Variants in SLC4A4 observed in about 807,000 individuals in gnomAD.
SLC4A4 encodes the protein solute carrier family 4 member 4.
A neutral mutation model predicts 111.5 loss-of-function variants in SLC4A4; 27 were observed. The ratio of observed to expected loss-of-function variants is 0.24; its 90% confidence interval spans 0.18 to 0.33. The LOEUF (loss-of-function observed/expected upper bound fraction) is 0.33, where lower values mean the gene tolerates loss of function less well. Ranked by LOEUF, SLC4A4 falls within the 10% of genes least tolerant of loss-of-function variation. The pLI, the probability that SLC4A4 is intolerant of heterozygous loss-of-function variation, is 1.00. For missense variants in SLC4A4, 909 were observed against 1,315.5 expected (o/e 0.69, Z 4.78); for synonymous variants, 443 against 463.4 (o/e 0.96, Z 0.57).
Position 71,473,055 on chromosome 4 carries a change from G to T in SLC4A4, c.1903+85G>T, listed in dbSNP as rs548144688. ...CATGCTTGCAAATTTTCAACATGCT[G>T]TCATGGTCCTCAGGAATTAGTCTTG... On this transcript the variant is annotated intron_variant, in intron 14 of 25. Transcript: ENST00000264485. 8 of 1,411,464 alleles carry T rather than the reference G, an allele frequency of 5.7e-6. No individual in the cohort carries two copies. The East Asian group carries it at 1.8e-4, about 32-fold the overall frequency. The allele number at this position is 1,411,464 out of a possible 1,614,324, so 87.4% of individuals were successfully genotyped here. A position where few individuals can be genotyped will look rare whatever the true frequency, so the allele number is the denominator to read the frequency against.
chr4:71,124,438 G>A (rs1743512016), intron 2 of SLC4A4, among the ~76,000 whole-genome samples: 1 of 151,898 alleles, frequency 6.6e-6, no homozygotes, highest in Admixed American at 6.6e-5. Context: ...CCAAAGTGCT[G>A]GGATTACGGG....
At chr4:71,257,255 T>C (rs1721518539) in intron 3 of SLC4A4, among the ~76,000 whole-genome samples, 1 of 152,178 alleles carries the variant, frequency 6.6e-6, no homozygotes, top group African/African-American at 2.4e-5. Flanking sequence ...TGTATACTGG[T>C]TTTCTGAAGG....
intron 7 of SLC4A4, among the ~76,000 whole-genome samples, chr4:71,432,611 G>GAT (rs1215624145): frequency 3.3e-5 from 5 of 152,008 alleles, no homozygotes; most frequent in Admixed American, 2.0e-4. Context: ...TAGCATGTAA[G>GAT]ATATATATAC....
intron 1 of SLC4A4, among the ~76,000 whole-genome samples, chr4:71,212,377 A>G (rs1212846983): frequency 2.6e-5 from 4 of 152,202 alleles, no homozygotes; most frequent in Non-Finnish European, 5.9e-5. Flanking sequence ...AGGCAGAATT[A>G]TGTCTGACTG....
chr4:71,405,662 T>C (rs183176260), intron 7 of SLC4A4, among the ~76,000 whole-genome samples: 1 of 152,342 alleles, frequency 6.6e-6, no homozygotes, highest in African/African-American at 2.4e-5. Context: ...ATGAGTTATG[T>C]TCTAGATCTT....
intron 7 of SLC4A4, among the ~76,000 whole-genome samples, chr4:71,433,271 A>G (rs1723811474): frequency 6.7e-6 from 1 of 150,314 alleles, no homozygotes; most frequent in African/African-American, 2.5e-5. Flanking sequence ...CATTAGTCTC[A>G]TCTAGTCTGC....
chr4:71,352,669 C>T (rs553382345), intron 5 of SLC4A4, among the ~76,000 whole-genome samples: 1 of 152,288 alleles, frequency 6.6e-6, no homozygotes, highest in African/African-American at 2.4e-5. Flanking sequence ...GTGGACCTTT[C>T]AGGGTTGTTA....
intron 17 of SLC4A4, 58 bp from the exon 18 acceptor site, chr4:71,534,169 C>T: frequency 6.5e-7 from 1 of 1,529,296 alleles, no homozygotes; most frequent in Non-Finnish European, 9.1e-7. Context: ...GGTTTTTTCA[C>T]CAAATAGTAT....
chr4:71,262,824 A>G (rs1721961282), intron 3 of SLC4A4, among the ~76,000 whole-genome samples: 2 of 151,888 alleles, frequency 1.3e-5, no homozygotes, highest in African/African-American at 4.8e-5. Context: ...TTTCTTTGGG[A>G]ATAGAAAAAT....
intron 24 of SLC4A4, among the ~76,000 whole-genome samples, chr4:71,565,021 T>C (rs918565781): frequency 1.3e-5 from 2 of 151,646 alleles, no homozygotes; most frequent in Non-Finnish European, 2.9e-5. Context: ...TTTTTTTTTT[T>C]CCAGGAAGAA....
At chr4:71,150,235 CAG>C (rs922304219) in intron 2 of SLC4A4, among the ~76,000 whole-genome samples, 1 of 152,014 alleles carries the variant, frequency 6.6e-6, no homozygotes, top group Non-Finnish European at 1.5e-5. Flanking sequence ...CCTAGGGAAA[CAG>C]AGTATCTGGA....
At chr4:71,404,860 A>G (rs960155411) in intron 7 of SLC4A4, among the ~76,000 whole-genome samples, 7 of 152,042 alleles carry the variant, frequency 4.6e-5, no homozygotes, top group Admixed American at 3.9e-4. Context: ...CAGTGGCACA[A>G]TCTTGGCTCA....
At chr4:71,559,769 T>C (rs1736800303) in intron 22 of SLC4A4, among the ~76,000 whole-genome samples, 1 of 151,870 alleles carries the variant, frequency 6.6e-6, no homozygotes, top group South Asian at 2.1e-4. Context: ...AAACTTTTAA[T>C]TATTTTATTT....
intron 2 of SLC4A4, among the ~76,000 whole-genome samples, chr4:71,247,605 T>C (rs1056755304): frequency 2.0e-5 from 3 of 152,188 alleles, no homozygotes; most frequent in African/African-American, 7.2e-5. Flanking sequence ...AATCCAGTTA[T>C]CAATGACCAC....
At chr4:71,164,386 A>C (rs112975828) in intron 2 of SLC4A4, among the ~76,000 whole-genome samples, 1 of 151,946 alleles carries the variant, frequency 6.6e-6, no homozygotes, top group Non-Finnish European at 1.5e-5. Flanking sequence ...TCTCCAAAAA[A>C]AAAAAAAAAA....
chr4:71,190,895 C>T (rs1275105548), intron 1 of SLC4A4, among the ~76,000 whole-genome samples: 5 of 152,176 alleles, frequency 3.3e-5, no homozygotes, highest in African/African-American at 7.2e-5. Flanking sequence ...TGAATATAGA[C>T]GGTTCCAGAC....
chr4:71,517,154 TCTG>T (rs1224221288), intron 16 of SLC4A4, among the ~76,000 whole-genome samples: 1 of 152,170 alleles, frequency 6.6e-6, no homozygotes, highest in Non-Finnish European at 1.5e-5. Context: ...TGAAATATTT[TCTG>T]CTATTATTTC....
At chr4:71,521,614 T>C (rs945987424) in intron 16 of SLC4A4, among the ~76,000 whole-genome samples, 2 of 152,108 alleles carry the variant, frequency 1.3e-5, no homozygotes, top group South Asian at 4.2e-4. Flanking sequence ...TTAAGGTAAT[T>C]TGAGGATTTA....
At chr4:71,308,916 G>A (rs546979199) in intron 3 of SLC4A4, among the ~76,000 whole-genome samples, 23 of 152,284 alleles carry the variant, frequency 1.5e-4, no homozygotes, top group African/African-American at 5.5e-4. Context: ...TGAAGCCAGG[G>A]AGCCAAGTGA....
Sources: gnomAD v4.1 joint callset for allele counts (sites outside exome capture counted in the v4.1 genomes callset) on GRCh38, gnomAD v4.1.1 for gene constraint, MANE v1.5 for transcripts, NCBI Gene and HGNC (gene_info 2026-07-23, HGNC 2026-07-21) for gene names.